Variants in PCDH15 observed in about 807,000 individuals in gnomAD.
The protein encoded by PCDH15 is protocadherin-15.
Under a neutral mutation model 178.5 loss-of-function variants are expected in PCDH15, and 129 were observed. The ratio of observed to expected loss-of-function variants is 0.72; its 90% CI spans 0.63 to 0.84. The LOEUF is 0.84. Among genes scored for constraint, PCDH15 ranks in the 40% least tolerant of loss-of-function variants. The pLI, the probability that PCDH15 is intolerant of heterozygous loss-of-function variation, is 0.00. For synonymous variants in PCDH15, 800 were observed against 732.0 expected, an observed-to-expected ratio of 1.09 and a Z score of -1.50; for missense variants, 2,230 against 2,099.9, an observed-to-expected ratio of 1.06 and a Z score of -1.21.
chr10:54,476,227 TAGGG>T (rs1223999176), intron 3 of PCDH15, among the ~76,000 whole-genome samples: 2 of 151,756 alleles, frequency 1.3e-5, no homozygotes, highest in African/African-American at 4.8e-5. Context: ...ATTGCAAATA[TAGGG>T]AGTCTGAATC....
intron 3 of PCDH15, among the ~76,000 whole-genome samples, chr10:54,826,828 T>C (rs1176272591): frequency 6.6e-6 from 1 of 152,036 alleles, no homozygotes; most frequent in Non-Finnish European, 1.5e-5. Context: ...AATATAAAGC[T>C]ATTGTATTAC....
intron 2 of PCDH15, among the ~76,000 whole-genome samples, chr10:55,521,266 G>A (rs979782584): frequency 6.6e-6 from 1 of 151,864 alleles, no homozygotes; most frequent in Non-Finnish European, 1.5e-5. Flanking sequence ...TTCTGTTTTT[G>A]ACTAAATAAT....
chr10:54,194,062 G>GAAAAAAAAAAAA (rs10629717), intron 11 of PCDH15, among the ~76,000 whole-genome samples: 1 of 117,966 alleles, frequency 8.5e-6, no homozygotes, highest in African/African-American at 3.0e-5. Context: ...AGGAAAGATT[G>GAAAAAAAAAAAA]AAAAAAAAAA....
chr10:54,122,911 CA>C (rs1458521918), intron 15 of PCDH15, among the ~76,000 whole-genome samples: 1 of 149,750 alleles, frequency 6.7e-6, no homozygotes, highest in African/African-American at 2.4e-5. Context: ...CAAAAATAAG[CA>C]CTGTGGAAAG....
chr10:54,624,983 C>T (rs568565810), intron 2 of PCDH15, among the ~76,000 whole-genome samples: 91 of 152,208 alleles, frequency 6.0e-4, no homozygotes, highest in Non-Finnish European at 1.0e-4. Flanking sequence ...ACACAATACA[C>T]GTAATGCACT....
chr10:54,574,358 G>A (rs1399584915), intron 2 of PCDH15, among the ~76,000 whole-genome samples: 1 of 150,300 alleles, frequency 6.7e-6, no homozygotes, highest in African/African-American at 2.4e-5. Context: ...TTATTTCTGA[G>A]GGCTCTGTTC....
intron 23 of PCDH15, among the ~76,000 whole-genome samples, chr10:53,942,241 G>C (rs1448550934): frequency 1.3e-5 from 2 of 149,676 alleles, no homozygotes; most frequent in Admixed American, 1.4e-4. Context: ...GTGTAAAGTA[G>C]ATATTTAATT....
rs912738981 is a variant in PCDH15, at chr10:54,148,089, A to G, written c.1784+5011T>C. ...TGGTCCTAGTGTATGCTCAATAAGT[A>G]TTATCAATCATCTTTAATTCCTCTT... On this transcript the variant is annotated intron_variant, in intron 14 of 37. Coordinates refer to ENST00000644397, the MANE Select transcript of PCDH15 (RefSeq NM_001384140.1). Among the ~76,000 whole-genome samples the G allele has an allele frequency of 3.3e-5, 5 of 152,072 alleles. No homozygotes were observed. In the South Asian group the frequency reaches 8.3e-4, roughly 25 times the overall value.
At chr10:55,397,817 C>T (rs1259133337) in intron 2 of PCDH15, among the ~76,000 whole-genome samples, 1 of 151,946 alleles carries the variant, frequency 6.6e-6, no homozygotes, top group Non-Finnish European at 1.5e-5. Flanking sequence ...GAACGAACTC[C>T]TGACCTCATG....
chr10:55,411,480 G>A (rs1336301070), intron 2 of PCDH15, among the ~76,000 whole-genome samples: 1 of 151,918 alleles, frequency 6.6e-6, no homozygotes, highest in Non-Finnish European at 1.5e-5. Flanking sequence ...AATAATTAGG[G>A]TATACTCTCT....
chr10:54,736,552 T>C (rs1487356490), intron 1 of PCDH15, among the ~76,000 whole-genome samples: 1 of 152,062 alleles, frequency 6.6e-6, no homozygotes, highest in African/African-American at 2.4e-5. Context: ...AAAATAAAAT[T>C]CATGTTTCTA....
intron 9 of PCDH15, among the ~76,000 whole-genome samples, chr10:54,233,560 T>C (rs2054297963): frequency 6.6e-6 from 1 of 152,204 alleles, no homozygotes; most frequent in Non-Finnish European, 1.5e-5. Flanking sequence ...TGATCTATAC[T>C]GAAGAACATT....
chr10:54,808,800 T>C (rs971102235), intron 3 of PCDH15, among the ~76,000 whole-genome samples: 28 of 152,132 alleles, frequency 1.8e-4, no homozygotes, highest in African/African-American at 6.8e-4. Context: ...CAAAATGCTA[T>C]GACAGGATAA....
intron 13 of PCDH15, among the ~76,000 whole-genome samples, chr10:54,174,687 T>G: frequency 8.1e-6 from 1 of 123,944 alleles, no homozygotes; most frequent in East Asian, 2.0e-4. Flanking sequence ...CTTCTTTCTT[T>G]TTTCTTTTTC....
intron 6 of PCDH15, among the ~76,000 whole-genome samples, chr10:54,344,878 A>G (rs1942938660): frequency 6.8e-6 from 1 of 147,936 alleles, no homozygotes; most frequent in Non-Finnish European, 1.5e-5. Flanking sequence ...CTGCCTAAAA[A>G]AAAGTCCTCT....
chr10:54,522,614 C>T (rs1190824707), intron 3 of PCDH15, among the ~76,000 whole-genome samples: 1 of 152,146 alleles, frequency 6.6e-6, no homozygotes, highest in Non-Finnish European at 1.5e-5. Context: ...GTTTTTACTC[C>T]CTGTCTCTAT....
chr10:53,847,159 C>T (rs2078028552), intron 28 of PCDH15, among the ~76,000 whole-genome samples: 1 of 152,058 alleles, frequency 6.6e-6, no homozygotes, highest in South Asian at 2.1e-4. Flanking sequence ...AAGGAGACTA[C>T]ACCCATTAAA....
At chr10:55,550,287 T>C (rs1410296332) in intron 2 of PCDH15, among the ~76,000 whole-genome samples, 1 of 152,196 alleles carries the variant, frequency 6.6e-6, no homozygotes, top group Non-Finnish European at 1.5e-5. Context: ...ACTTACTCTG[T>C]TATCTCTCAT....
intron 2 of PCDH15, among the ~76,000 whole-genome samples, chr10:54,589,665 A>C (rs2091751242): frequency 6.6e-6 from 1 of 151,564 alleles, no homozygotes; most frequent in Non-Finnish European, 1.5e-5. Context: ...TTCTTTTTTT[A>C]TTTTTTTCTG....
Sources: gnomAD v4.1 joint callset for allele counts (sites outside exome capture counted in the v4.1 genomes callset) on GRCh38, gnomAD v4.1.1 for gene constraint, MANE v1.5 for transcripts, NCBI Gene and HGNC (gene_info 2026-07-23, HGNC 2026-07-21) for gene names.